The following FRAS1 variants were observed in gnomAD, a reference collection of about 807,000 sequenced individuals.
FRAS1 encodes extracellular matrix organizing protein FRAS1.
Under a neutral mutation model 435.2 loss-of-function variants are expected in FRAS1, and 290 were observed. That is an observed-to-expected ratio of 0.67 (90% CI 0.61 to 0.73). FRAS1 has a LOEUF of 0.73. Ranked by LOEUF, FRAS1 falls within the 30% of genes least tolerant of loss-of-function variation. The probability of loss-of-function intolerance (pLI) is 0.00; values close to 1 mark genes in which losing one functional copy is unlikely to be tolerated. For synonymous variants in FRAS1, 1,800 were observed against 1,851.0 expected, an observed-to-expected ratio of 0.97 and a Z score of 0.71; for missense variants, 4,860 against 5,001.5, an observed-to-expected ratio of 0.97 and a Z score of 0.85.
chr4:78,137,895 T>C (rs1051214123), intron 2 of FRAS1, among the ~76,000 whole-genome samples: 5 of 152,188 alleles, frequency 3.3e-5, no homozygotes, highest in African/African-American at 9.7e-5. Flanking sequence ...TAAGAGTTAA[T>C]ATAGGCAATA....
At position 78,410,029 on chromosome 4, in the gene FRAS1, C is replaced by A. The variant is rs543675663; in HGVS notation, c.4308+2188C>A. On this transcript the variant is annotated intron_variant, in intron 31 of 73. Coordinates refer to ENST00000512123, the MANE Select transcript of FRAS1 (RefSeq NM_025074.7). ...GAGCAAACATTGGGTGCCCTTTGCC[C>A]AAGTTAACTTTTCATTTTTAGCACC... Among the ~76,000 whole-genome samples the A allele has an allele frequency of 2.9e-3, 439 of 152,298 alleles. 1 individual carries two copies. The highest frequency in any genetic ancestry group is 9.9e-3 in the African/African-American group (411 of 41,560).
At chr4:78,489,565 CTG>C (rs1275592933) in intron 59 of FRAS1, among the ~76,000 whole-genome samples, 1 of 152,110 alleles carries the variant, frequency 6.6e-6, no homozygotes, top group Admixed American at 6.6e-5. Flanking sequence ...CAGTTTGAAC[CTG>C]TGTCATTCAA....
rs571965497 is a variant in FRAS1 at position 78,303,883 on chromosome 4, C to T, written c.1535-4183C>T. ...GCCTAATTGCCCTGGCCAGAACTTC[C>T]AACACTATGTTGAATAGGAGTGGTG... On this transcript the variant is annotated intron_variant, in intron 14 of 73. Transcript: ENST00000512123. Among the ~76,000 whole-genome samples, 7 of 149,902 alleles carry T rather than the reference C, an allele frequency of 4.7e-5. No individual in the cohort carries two copies. The East Asian group carries it at 1.4e-3, about 29-fold the overall frequency.
intron 2 of FRAS1, among the ~76,000 whole-genome samples, chr4:78,083,408 T>C (rs1740988298): frequency 6.6e-6 from 1 of 152,138 alleles, no homozygotes; most frequent in Non-Finnish European, 1.5e-5. Context: ...TGTTGTGGAA[T>C]TGCTGCAGAA....
At chr4:78,271,942 G>A (rs953252038) in intron 9 of FRAS1, among the ~76,000 whole-genome samples, 3 of 152,212 alleles carry the variant, frequency 2.0e-5, no homozygotes, top group African/African-American at 4.8e-5. Flanking sequence ...CAGTGTAAAA[G>A]TGTTCCTATT....
At chr4:78,341,321 C>G (rs192117137) in intron 20 of FRAS1, among the ~76,000 whole-genome samples, 11 of 152,266 alleles carry the variant, frequency 7.2e-5, no homozygotes, top group Non-Finnish European at 1.5e-4. Context: ...GGGAGCAGGA[C>G]TGGTCTGTAG....
At chr4:78,094,274 A>G (rs764156748) in intron 2 of FRAS1, among the ~76,000 whole-genome samples, 16 of 152,042 alleles carry the variant, frequency 1.1e-4, no homozygotes, top group Non-Finnish European at 1.6e-4. Context: ...ATAAATTTCA[A>G]AAAAATGAAA....
At chr4:78,294,468 C>A (rs1377372148) in intron 14 of FRAS1, among the ~76,000 whole-genome samples, 1 of 152,128 alleles carries the variant, frequency 6.6e-6, no homozygotes, top group Non-Finnish European at 1.5e-5. Context: ...TGGATTATAC[C>A]TATGTTGTCG....
At chr4:78,333,504 CG>C in intron 19 of FRAS1, 92 bp downstream of exon 19, 1 of 1,312,844 alleles carries the variant, frequency 7.6e-7, no homozygotes, top group Non-Finnish European at 1.0e-6. Flanking sequence ...CTTGTCATAC[CG>C]GGGACTAAGA....
At chr4:78,461,667 C>T (rs1719371595) in intron 47 of FRAS1, among the ~76,000 whole-genome samples, 1 of 152,160 alleles carries the variant, frequency 6.6e-6, no homozygotes, top group South Asian at 2.1e-4. Context: ...AATGGTACTA[C>T]CACCTTGGAA....
chr4:78,405,505 TTC>T (rs1450579783), intron 30 of FRAS1, among the ~76,000 whole-genome samples: 3 of 152,200 alleles, frequency 2.0e-5, no homozygotes, highest in African/African-American at 4.8e-5. Context: ...GTAGTCATGT[TTC>T]TCTCTTATTT....
Position 78,499,766 on chromosome 4 carries a change from C to T in FRAS1, c.9161C>T (p.Pro3054Leu), listed in dbSNP as rs754878371. The T allele has an allele frequency of 6.2e-7, 1 of 1,613,944 alleles. No homozygotes were observed. The highest frequency in any genetic ancestry group is 8.5e-7 in the Non-Finnish European group (1 of 1,179,848). ...FEEAAYQVRE[P>L]AGPDAIAILN... ...GAAGCTGCATACCAAGTCCGGGAAC[C>T]CGCAGGCCCAGATGCCATTGCGATT... The change falls in exon 61 of 74, where the codon CCC becomes CTC. Residue 3054 changes from proline (P) to leucine (L), a missense_variant. Coordinates refer to ENST00000512123, the MANE Select transcript of FRAS1 (RefSeq NM_025074.7).
intron 22 of FRAS1, among the ~76,000 whole-genome samples, chr4:78,365,124 A>C (rs945321672): frequency 6.6e-6 from 1 of 152,234 alleles, no homozygotes; most frequent in Non-Finnish European, 1.5e-5. Flanking sequence ...AATGAGAGGC[A>C]AATAAAGTAG....
chr4:78,204,501 T>G (rs1345988302), intron 2 of FRAS1, among the ~76,000 whole-genome samples: 1 of 152,226 alleles, frequency 6.6e-6, no homozygotes, highest in Non-Finnish European at 1.5e-5. Flanking sequence ...AGGAATAAAT[T>G]ACAGTAAAAC....
intron 24 of FRAS1, 89 bp downstream of exon 24, chr4:78,372,947 T>C: frequency 7.1e-7 from 1 of 1,404,922 alleles, no homozygotes; most frequent in Non-Finnish European, 9.5e-7. Context: ...GTGGCAAGTT[T>C]CCCCTTCTGG....
At chr4:78,296,591 G>C (rs1188314627) in intron 14 of FRAS1, among the ~76,000 whole-genome samples, 1 of 152,136 alleles carries the variant, frequency 6.6e-6, no homozygotes. Flanking sequence ...AAGAGCTTTT[G>C]CTGTTGTTTT....
intron 33 of FRAS1, among the ~76,000 whole-genome samples, chr4:78,419,570 A>G (rs1733686871): frequency 2.0e-5 from 3 of 152,226 alleles, no homozygotes; most frequent in Non-Finnish European, 4.4e-5. Flanking sequence ...AACTATAGTC[A>G]GAGGAGATTT....
chr4:78,378,288 A>G (rs532783181), intron 26 of FRAS1, among the ~76,000 whole-genome samples: 78 of 152,268 alleles, frequency 5.1e-4, no homozygotes, highest in Non-Finnish European at 1.0e-3. Context: ...GTAATATTAC[A>G]TTTTGTGACA....
At chr4:78,427,106 G>A (rs1373103097) in intron 35 of FRAS1, among the ~76,000 whole-genome samples, 1 of 152,140 alleles carries the variant, frequency 6.6e-6, no homozygotes, top group Non-Finnish European at 1.5e-5. Context: ...GCTTTTACAA[G>A]GTAATTGAAA....
Sources: allele counts gnomAD v4.1 joint callset (sites outside exome capture counted in the v4.1 genomes callset), GRCh38; gene constraint gnomAD v4.1.1; transcripts MANE v1.5; gene names NCBI Gene and HGNC (gene_info 2026-07-23, HGNC 2026-07-21).